The following EFR3A variants were observed in gnomAD, a reference collection of about 807,000 sequenced individuals.
The protein encoded by EFR3A is protein EFR3 homolog A.
EFR3A carries 76 observed loss-of-function variants against 104.4 expected under a neutral mutation model. The observed-to-expected ratio is 0.73, with a 90% CI of 0.60 to 0.88. The LOEUF is 0.88. Among genes scored for constraint, EFR3A ranks in the 40% least tolerant of loss-of-function variants. EFR3A has a pLI of 0.00. For synonymous variants in EFR3A, 330 were observed against 330.0 expected, an observed-to-expected ratio of 1.00 and a Z score of 0.00; for missense variants, 985 against 1,012.5, an observed-to-expected ratio of 0.97 and a Z score of 0.37.
intron 1 of EFR3A, among the ~76,000 whole-genome samples, chr8:131,919,995 G>C (rs1456039714): frequency 6.6e-6 from 1 of 152,116 alleles, no homozygotes; most frequent in Non-Finnish European, 1.5e-5. Flanking sequence ...TCTGCATGCT[G>C]AAGTTACAGT....
At chr8:132,004,865 T>C (rs1223979173) in intron 22 of EFR3A, among the ~76,000 whole-genome samples, 3 of 152,218 alleles carry the variant, frequency 2.0e-5, no homozygotes, top group African/African-American at 7.2e-5. Flanking sequence ...CCATAACTGA[T>C]GTTCTTAAAA....
intron 1 of EFR3A, among the ~76,000 whole-genome samples, chr8:131,919,192 T>A (rs1386084639): frequency 6.6e-6 from 1 of 152,152 alleles, no homozygotes; most frequent in Non-Finnish European, 1.5e-5. Flanking sequence ...AGTAGAATTT[T>A]AAACTGTGAC....
intron 18 of EFR3A, among the ~76,000 whole-genome samples, chr8:131,990,250 A>G (rs1821104158): frequency 6.6e-6 from 1 of 152,200 alleles, no homozygotes; most frequent in Admixed American, 6.5e-5. Flanking sequence ...TCATTATATA[A>G]TTTTTCTCTA....
In EFR3A at chr8:132,011,013, A is replaced by G. The variant is rs1320375981; in HGVS notation, c.*118A>G. ...CTTCTTGAAAATAATGATGGAACAT[A>G]TCTTTAACCAAATGTTTGGCATACC... On this transcript the variant is annotated 3_prime_UTR_variant, in exon 23 of 23. Coordinates refer to ENST00000254624, the MANE Select transcript of EFR3A (RefSeq NM_015137.6). 5.4e-6 allele frequency: 7 copies of G among 1,308,254 alleles called. No individual in the cohort carries two copies. The East Asian group carries it at 1.3e-4, about 25-fold the overall frequency. 81.0% of individuals were successfully genotyped at this position (1,308,254 alleles called of 1,614,324 possible). A position where few individuals can be genotyped will look rare whatever the true frequency, so the allele number is the denominator to read the frequency against.
chr8:131,969,217 A>G (rs1450415125), intron 9 of EFR3A, among the ~76,000 whole-genome samples: 2 of 152,218 alleles, frequency 1.3e-5, no homozygotes, highest in African/African-American at 2.4e-5. Flanking sequence ...AATAGTGCAT[A>G]TTAGAAATAC....
At chr8:131,923,251 T>C (rs1586539991) in intron 1 of EFR3A, among the ~76,000 whole-genome samples, 1 of 152,138 alleles carries the variant, frequency 6.6e-6, no homozygotes, top group East Asian at 1.9e-4. Flanking sequence ...TATGTTGGCA[T>C]GTGTGTGTAT....
Position 131,925,805 on chromosome 8 carries a change from C to G in EFR3A, c.11-14694C>G, listed in dbSNP as rs1044464403. Among the ~76,000 whole-genome samples, 4 of 152,200 alleles carry G rather than the reference C, an allele frequency of 2.6e-5. No individual in the cohort carries two copies. The East Asian group carries it at 5.8e-4, about 22-fold the overall frequency. On this transcript the variant is annotated intron_variant, in intron 1 of 22. Coordinates refer to ENST00000254624, the MANE Select transcript of EFR3A (RefSeq NM_015137.6). ...GAAAGATCTTCTACCTGTACTTTGTCCCTGATCCTGTGTTTTCCTTCACAG... is the reference window on the plus strand; with the variant it reads ...GAAAGATCTTCTACCTGTACTTTGTGCCTGATCCTGTGTTTTCCTTCACAG...
At chr8:131,985,187 C>A in intron 16 of EFR3A, 127 bp downstream of exon 16, 1 of 947,826 alleles carries the variant, frequency 1.1e-6, no homozygotes, top group Non-Finnish European at 1.6e-6. Flanking sequence ...AAATCTACAG[C>A]CAGTAAACTG....
chr8:131,964,372 A>G (rs553806979), intron 8 of EFR3A, among the ~76,000 whole-genome samples: 3,220 of 152,206 alleles, frequency 0.021, 56 homozygotes, highest in Middle Eastern at 0.044. Context: ...ACTTCAGCAA[A>G]GTCTCAGGAT....
At chr8:131,958,136 G>T (rs1819118684) in intron 7 of EFR3A, among the ~76,000 whole-genome samples, 2 of 152,158 alleles carry the variant, frequency 1.3e-5, no homozygotes, top group African/African-American at 4.8e-5. Context: ...TTGGTAGCAT[G>T]CTTGAAGCGG....
intron 1 of EFR3A, among the ~76,000 whole-genome samples, chr8:131,933,970 C>T (rs985324834): frequency 2.0e-5 from 3 of 151,618 alleles, no homozygotes; most frequent in Admixed American, 2.0e-4. Flanking sequence ...GTCCTCTTTT[C>T]CATAAGGTTT....
intron 1 of EFR3A, chr8:131,938,281 T>C (rs1208907016): frequency 2.5e-6 from 1 of 397,880 alleles, no homozygotes; most frequent in African/African-American, 2.1e-5. Context: ...ATGAATTTAC[T>C]TCAACAAGGG....
chr8:131,959,737 C>T, intron 8 of EFR3A, 74 bp downstream of exon 8: 2 of 989,162 alleles, frequency 2.0e-6, no homozygotes, highest in Non-Finnish European at 3.0e-6. Flanking sequence ...CATTATCAAA[C>T]AGATGTGGGA....
At chr8:131,944,438 T>C (rs1466350930) in intron 2 of EFR3A, among the ~76,000 whole-genome samples, 1 of 152,112 alleles carries the variant, frequency 6.6e-6, no homozygotes, top group East Asian at 1.9e-4. Flanking sequence ...TTGTTTGAAA[T>C]CTTTTTACAT....
At chr8:131,970,359 T>G in intron 9 of EFR3A, 117 bp from the exon 10 acceptor site, 1 of 930,776 alleles carries the variant, frequency 1.1e-6, no homozygotes, top group East Asian at 2.7e-5. Flanking sequence ...TATAAATTAC[T>G]ATGGATTTCT....
intron 8 of EFR3A, among the ~76,000 whole-genome samples, chr8:131,962,156 G>C (rs917292277): frequency 1.3e-5 from 2 of 152,116 alleles, no homozygotes; most frequent in African/African-American, 2.4e-5. Flanking sequence ...ATCAACTAAC[G>C]AGCAAAATCA....
chr8:131,924,484 C>G (rs1171078259), intron 1 of EFR3A, among the ~76,000 whole-genome samples: 1 of 152,060 alleles, frequency 6.6e-6, no homozygotes, highest in Non-Finnish European at 1.5e-5. Flanking sequence ...TGAGGAGAGA[C>G]AAGTATATAT....
intron 8 of EFR3A, among the ~76,000 whole-genome samples, chr8:131,968,020 A>G (rs1238712833): frequency 2.6e-5 from 4 of 152,150 alleles, no homozygotes; most frequent in East Asian, 1.9e-4. Flanking sequence ...CTTTTTATAT[A>G]TAATTTTAAT....
intron 22 of EFR3A, among the ~76,000 whole-genome samples, chr8:132,005,958 A>G (rs1460801004): frequency 2.0e-5 from 3 of 152,222 alleles, no homozygotes; most frequent in Non-Finnish European, 2.9e-5. Context: ...ATGCATTAAC[A>G]CATATCTAGA....
Sources: allele counts gnomAD v4.1 joint callset (sites outside exome capture counted in the v4.1 genomes callset), GRCh38; gene constraint gnomAD v4.1.1; transcripts MANE v1.5; gene names NCBI Gene and HGNC (gene_info 2026-07-23, HGNC 2026-07-21).